The following GREB1L variants were observed in gnomAD, a reference collection of about 807,000 sequenced individuals.
GREB1L encodes GREB1-like protein.
GREB1L carries 17 observed loss-of-function variants against 200.8 expected under a neutral mutation model. The observed-to-expected ratio is 0.08, with a 90% CI of 0.06 to 0.13. The LOEUF (loss-of-function observed/expected upper bound fraction) is 0.13. Among genes scored for constraint, GREB1L ranks in the 10% least tolerant of loss-of-function variants. The probability of loss-of-function intolerance (pLI) is 1.00; values close to 1 mark genes in which losing one functional copy is unlikely to be tolerated. For missense variants in GREB1L, 1,657 were observed against 2,367.7 expected, an observed-to-expected ratio of 0.70 and a Z score of 6.23; for synonymous variants, 789 against 893.0, an observed-to-expected ratio of 0.88 and a Z score of 2.08.
At chr18:21,447,340 A>T (rs936975304) in intron 11 of GREB1L, among the ~76,000 whole-genome samples, 1 of 152,140 alleles carries the variant, frequency 6.6e-6, no homozygotes, top group East Asian at 1.9e-4. Context: ...TGAAAAAGTG[A>T]TAGTTGATTT....
intron 1 of GREB1L, among the ~76,000 whole-genome samples, chr18:21,243,798 G>A (rs2037548958): frequency 6.6e-6 from 1 of 152,084 alleles, no homozygotes; most frequent in South Asian, 2.1e-4. Context: ...ATGCATATAG[G>A]TATGTATTTC....
Position 21,516,594 on chromosome 18 carries a change from TGTTGTG to T in GREB1L, c.5130-15_5130-10del, listed in dbSNP as rs1328028558. The T allele has an allele frequency of 1.9e-6, 3 of 1,550,134 alleles. No homozygotes were observed. The highest frequency in any genetic ancestry group is 2.6e-6 in the Non-Finnish European group (3 of 1,145,682). On this transcript the variant is annotated splice_polypyrimidine_tract_variant and intron_variant, in intron 29 of 32. Transcript: ENST00000424526. ...AGATATGCCAGCGGAAGAAAACTAT[TGTTGTG>T]GTTACAATTTAGGTATTTCTGTGAA...
chr18:21,504,908 C>T (rs1220907338), intron 23 of GREB1L, among the ~76,000 whole-genome samples: 1 of 152,072 alleles, frequency 6.6e-6, no homozygotes, highest in Non-Finnish European at 1.5e-5. Context: ...CTCTGAGGCG[C>T]CTTAAACAAT....
intron 23 of GREB1L, among the ~76,000 whole-genome samples, chr18:21,502,681 G>A (rs945386834): frequency 8.6e-5 from 13 of 151,906 alleles, no homozygotes; most frequent in Non-Finnish European, 1.2e-4. Context: ...GCACTAGATC[G>A]TCGGGCCCAC....
At chr18:21,498,592 T>A (rs1568061483) in intron 21 of GREB1L, among the ~76,000 whole-genome samples, 1 of 152,206 alleles carries the variant, frequency 6.6e-6, no homozygotes, top group Non-Finnish European at 1.5e-5. Flanking sequence ...TCACTTGAGC[T>A]GCCCCACAAA....
At chr18:21,387,561 A>G (rs1257297674) in intron 4 of GREB1L, 1 of 152,212 alleles carries the variant, frequency 6.6e-6, no homozygotes, top group Non-Finnish European at 1.5e-5. Context: ...CCCTTAGGAT[A>G]CTCTTAACCA....
At chr18:21,341,664 C>T (rs1425072123) in intron 1 of GREB1L, among the ~76,000 whole-genome samples, 1 of 152,174 alleles carries the variant, frequency 6.6e-6, no homozygotes, top group Admixed American at 6.5e-5. Context: ...TGAGCCACCA[C>T]ACCTGGCTAC....
chr18:21,282,342 G>T (rs923708183), intron 1 of GREB1L, among the ~76,000 whole-genome samples: 3 of 152,068 alleles, frequency 2.0e-5, no homozygotes, highest in African/African-American at 4.8e-5. Context: ...AGTATAAATG[G>T]TGTTTAATTA....
intron 1 of GREB1L, among the ~76,000 whole-genome samples, chr18:21,257,124 G>A (rs1212187118): frequency 3.3e-5 from 5 of 151,516 alleles, no homozygotes; most frequent in Admixed American, 2.6e-4. Context: ...TTGCTACTAT[G>A]CCCGGCTAAT....
At chr18:21,462,296 AAC>A (rs2035076886) in intron 15 of GREB1L, among the ~76,000 whole-genome samples, 1 of 152,262 alleles carries the variant, frequency 6.6e-6, no homozygotes, top group Admixed American at 6.5e-5. Context: ...TTAGTAAGGA[AAC>A]AGAATAAAAG....
rs1244793327 is a variant in GREB1L, at chr18:21,384,287, A to G, written c.239A>G (p.Asn80Ser). The change falls in exon 4 of 33, where the codon AAT becomes AGT. Residue 80 changes from asparagine (N) to serine (S), a missense_variant. By Grantham distance (46) the Asn-to-Ser change is conservative (BLOSUM62 1). Coordinates refer to ENST00000424526, the MANE Select transcript of GREB1L (RefSeq NM_001142966.3). ...TQNGSLDFSN[N>S]LTVNEMEDDE... ...AATGGAAGTCTGGATTTTTCTAACAATCTAACAGTTAATGAAATGGAAGAT... is the reference window on the plus strand; with the variant it reads ...AATGGAAGTCTGGATTTTTCTAACAGTCTAACAGTTAATGAAATGGAAGAT... The G allele has an allele frequency of 1.9e-6, 3 of 1,551,008 alleles. No homozygotes were observed. The highest frequency in any genetic ancestry group is 1.4e-5 in the African/African-American group (1 of 73,026).
At chr18:21,261,153 T>C (rs923927618) in intron 1 of GREB1L, among the ~76,000 whole-genome samples, 5 of 152,062 alleles carry the variant, frequency 3.3e-5, no homozygotes, top group Non-Finnish European at 7.4e-5. Flanking sequence ...CATATCTATA[T>C]ACTATGTAAA....
intron 1 of GREB1L, among the ~76,000 whole-genome samples, chr18:21,263,077 T>G (rs2037914286): frequency 6.6e-6 from 1 of 152,216 alleles, no homozygotes; most frequent in Admixed American, 6.5e-5. Context: ...AAGTGCTGCC[T>G]GCATCTTTTT....
At chr18:21,333,096 G>A (rs567774642) in intron 1 of GREB1L, among the ~76,000 whole-genome samples, 6 of 151,614 alleles carry the variant, frequency 4.0e-5, no homozygotes, top group South Asian at 2.1e-4. Flanking sequence ...ACACACACGC[G>A]CGCGCGCGCG....
intron 15 of GREB1L, among the ~76,000 whole-genome samples, chr18:21,461,874 C>T (rs28384346): frequency 0.012 from 1,772 of 152,268 alleles, 41 homozygotes; most frequent in African/African-American, 0.04. Context: ...TTTAAGATTT[C>T]GTGGCCCTCT....
At chr18:21,327,848 G>A (rs1239806971) in intron 1 of GREB1L, among the ~76,000 whole-genome samples, 4 of 152,018 alleles carry the variant, frequency 2.6e-5, no homozygotes, top group Non-Finnish European at 5.9e-5. Context: ...GAGTAGCTGG[G>A]ACTACAGGTG....
intron 1 of GREB1L, among the ~76,000 whole-genome samples, chr18:21,318,374 C>T (rs938475273): frequency 3.9e-5 from 6 of 152,236 alleles, no homozygotes; most frequent in Admixed American, 2.0e-4. Flanking sequence ...ATAGGTTTTT[C>T]GGATTTTGTT....
intron 1 of GREB1L, among the ~76,000 whole-genome samples, chr18:21,286,918 G>T (rs576922709): frequency 2.6e-5 from 4 of 152,048 alleles, no homozygotes; most frequent in East Asian, 3.9e-4. Context: ...AGGTGTTGGG[G>T]TTACAGGCGT....
At chr18:21,342,224 T>G (rs2039279850) in intron 1 of GREB1L, among the ~76,000 whole-genome samples, 1 of 152,178 alleles carries the variant, frequency 6.6e-6, no homozygotes. Context: ...CAAATTTTAA[T>G]GTCATTACAG....
Sources: allele counts gnomAD v4.1 joint callset (sites outside exome capture counted in the v4.1 genomes callset), GRCh38; gene constraint gnomAD v4.1.1; transcripts MANE v1.5; gene names NCBI Gene and HGNC (gene_info 2026-07-23, HGNC 2026-07-21).